Variants in LMNB2 observed in about 807,000 individuals in gnomAD.
LMNB2 encodes the protein lamin-B2.
In LMNB2, 17 loss-of-function variants were observed where a neutral mutation model predicts 69.3. That is an observed-to-expected ratio of 0.25 (90% CI 0.17 to 0.37). LMNB2 has a LOEUF of 0.37. LMNB2 is among the 10% of genes least tolerant of loss of function. LMNB2 has a pLI of 1.00. For missense variants in LMNB2, 789 were observed against 883.6 expected, an observed-to-expected ratio of 0.89 and a Z score of 1.36; for synonymous variants, 397 against 389.3, an observed-to-expected ratio of 1.02 and a Z score of -0.23.
chr19:2,438,680 C>T (rs11882178), intron 2 of LMNB2, 149 bp from the exon 3 acceptor site: 7 of 929,748 alleles, frequency 7.5e-6, no homozygotes, highest in Admixed American at 5.4e-5. Context: ...CGCGGCCCCA[C>T]GCGCCCAGGC....
chr19:2,438,286 G>A lies in LMNB2; in HGVS notation c.561C>T (p.Ala187=), dbSNP rs369856120. ...TTTTGGCCACTGCATGACCGTCCTC[G>A]GCCTGGGAGACACAGGACAGCGAGC... ...VAELRAQLAK[A]EDGHAVAKKQ... Residue 187 remains alanine, a splice_region_variant and synonymous_variant, in exon 4 of 12, where the codon GCC becomes GCT. Coordinates refer to ENST00000325327, the MANE Select transcript of LMNB2 (RefSeq NM_032737.4). The A allele has an allele frequency of 4.1e-5, 66 of 1,613,804 alleles. No individual in the cohort carries two copies. Among genetic ancestry groups the A allele is most frequent in the Middle Eastern group, 1.6e-4 (1 of 6,084 alleles).
At chr19:2,439,661 G>A (rs1035758409) in intron 2 of LMNB2, among the ~76,000 whole-genome samples, 12 of 152,022 alleles carry the variant, frequency 7.9e-5, no homozygotes, top group African/African-American at 2.7e-4. Flanking sequence ...CAGGCGGCTC[G>A]AGCCCGTGGC....
Position 2,431,653 on chromosome 19 carries a change from C to T in LMNB2, c.1716G>A (p.Val572=), listed in dbSNP as rs139202712. Residue 572 remains valine (V), a synonymous_variant, in exon 11 of 12, where the codon GTG becomes GTA. Transcript: ENST00000325327. The part of the protein sequence containing the change: ...TVLVNADGEE[V]AMRTVKKSSV... Reference sequence around the variant, plus strand: ...AGGACTTCTTCACAGTCCTCATGGCCACTTCCTGTGCGGGACAGGACACGG... The same window carrying T: ...AGGACTTCTTCACAGTCCTCATGGCTACTTCCTGTGCGGGACAGGACACGG... The T allele has an allele frequency of 2.5e-6, 4 of 1,614,152 alleles. No homozygotes were observed. Among genetic ancestry groups the T allele is most frequent in the Admixed American group, 1.7e-5 (1 of 60,028 alleles).
Position 2,435,099 on chromosome 19 carries a change from C to T in LMNB2, c.757G>A (p.Asp253Asn), listed in dbSNP as rs776574641. The T allele has an allele frequency of 2.2e-5, 35 of 1,609,642 alleles. No individual in the cohort carries two copies. The African/African-American group carries it at 3.1e-4, about 14-fold the overall frequency. Residue 253 changes from aspartate (D) to asparagine (N), a missense_variant, in exon 5 of 12, where the codon GAC becomes AAC. By Grantham distance (23) the Asp-to-Asn change is conservative. This residue lies in a region of LMNB2 where 609 missense variants were observed against 630.9 expected (regional missense o/e 0.97). Coordinates refer to ENST00000325327, the MANE Select transcript of LMNB2 (RefSeq NM_032737.4). ...EVDSSRQQEY[D>N]FKMAQALEEL... is the part of the protein sequence containing the mutation. ...TCCAGCGCCTGTGCCATCTTGAAGTCGTACTCCTGCTGCCGGCTGCTGTCC... is the reference window on the plus strand; with the variant it reads ...TCCAGCGCCTGTGCCATCTTGAAGTTGTACTCCTGCTGCCGGCTGCTGTCC...
rs1009583605 is a variant in LMNB2, at chr19:2,453,243, C to T, written c.264+3427G>A. 6.6e-6 allele frequency among the ~76,000 whole-genome samples: 1 copy of T among 152,162 alleles called. No individual in the cohort carries two copies. Among genetic ancestry groups the T allele is most frequent in the Non-Finnish European group, 1.5e-5 (1 of 67,992 alleles). ...GCCAAGAGTCCCCTGGGGGCAGAAG[C>T]TGGCCAGGTGAGAGAGGCCCTGCTG... On this transcript the variant is annotated intron_variant, in intron 1 of 11. Transcript: ENST00000325327. The surrounding 1 kb of genome is among the most constrained non-coding windows in gnomAD (Gnocchi z 4.4).
chr19:2,431,806 C>T lies in LMNB2; in HGVS notation c.1687G>A (p.Val563Ile), dbSNP rs201618968. The T allele has an allele frequency of 2.9e-5, 47 of 1,613,868 alleles. No individual in the cohort carries two copies. The highest frequency in any genetic ancestry group is 1.5e-4 in the Admixed American group (9 of 60,018). The change falls in exon 10 of 12, where the codon GTC becomes ATC. Residue 563 changes from valine (V) to isoleucine (I), a missense_variant. Transcript: ENST00000325327. ...ACCTCGCCATCCGCGTTAACCAGGA[C>T]GGTGCGGAAGCTCTCGCCCGTGCCC... is the stretch of plus-strand genomic sequence containing the variant. ...SWGTGESFRT[V>I]LVNADGEEVA...
intron 1 of LMNB2, among the ~76,000 whole-genome samples, chr19:2,448,709 A>G (rs776404820): frequency 1.4e-4 from 22 of 152,284 alleles, no homozygotes; most frequent in Middle Eastern, 3.4e-3. Context: ...TTAGCCGGGC[A>G]TGGTGGCGTG....
chr19:2,432,012 C>T, intron 9 of LMNB2, 110 bp from the exon 10 acceptor site: 1 of 1,379,302 alleles, frequency 7.3e-7, no homozygotes, highest in South Asian at 1.3e-5. Flanking sequence ...GGCGTTCAGT[C>T]CTTCCAGCCC....
rs145110937 is a variant in LMNB2 at position 2,438,419 on chromosome 19, C to T, written c.514G>A (p.Gly172Ser). The T allele has an allele frequency of 7.6e-5, 122 of 1,612,744 alleles. 1 individual carries two copies. In the Middle Eastern group the frequency reaches 1.0e-3, roughly 13 times the overall value. The change falls in exon 3 of 12, where the codon GGC (glycine) becomes AGC (serine). Residue 172 changes from glycine to serine, a missense_variant. By Grantham distance (56) the Gly-to-Ser change is moderately conservative. Transcript: ENST00000325327. Reference protein sequence around the residue: ...ELAAALSDKRGLESDVAELRA... With the variant: ...ELAAALSDKRSLESDVAELRA... ...AGCTCAGCCACGTCACTCTCCAGGC[C>T]GCGCTTGTCGCTGAGGGCAGCTGCC...
chr19:2,452,238 C>T (rs548174315), intron 1 of LMNB2, among the ~76,000 whole-genome samples: 11 of 152,232 alleles, frequency 7.2e-5, no homozygotes, highest in African/African-American at 2.2e-4. Flanking sequence ...TGGTTTTGTA[C>T]GAGTGTGCAA....
intron 1 of LMNB2, among the ~76,000 whole-genome samples, chr19:2,454,020 C>T (rs1249128066): frequency 6.6e-6 from 1 of 152,072 alleles, no homozygotes; most frequent in Admixed American, 6.6e-5. Flanking sequence ...TGGCCAGGCA[C>T]GGCGGCTCAC....
In LMNB2 at chr19:2,447,435, C is replaced by T. The variant is rs1971969101; in HGVS notation, c.265-2895G>A. ...GCTGGAGAAGGGGACGGGGAGTGAC[C>T]GCTGAGGGGGACAGGCTTCTTTTAG... On this transcript the variant is annotated intron_variant, in intron 1 of 11. Coordinates refer to ENST00000325327, the MANE Select transcript of LMNB2 (RefSeq NM_032737.4). The surrounding 1 kb of genome is among the most constrained non-coding windows in gnomAD (Gnocchi z 4.4). Among the ~76,000 whole-genome samples the T allele has an allele frequency of 6.6e-6, 1 of 152,066 alleles. No individual in the cohort carries two copies. Among genetic ancestry groups the T allele is most frequent in the Non-Finnish European group, 1.5e-5 (1 of 68,012 alleles).
chr19:2,437,101 G>A (rs375589651), intron 4 of LMNB2: 111 of 153,264 alleles, frequency 7.2e-4, no homozygotes, highest in African/African-American at 2.4e-3. Context: ...GCTCCTGAGC[G>A]GCCTGGACAT....
At chr19:2,450,936 T>C (rs1972014953) in intron 1 of LMNB2, among the ~76,000 whole-genome samples, 1 of 151,738 alleles carries the variant, frequency 6.6e-6, no homozygotes, top group African/African-American at 2.4e-5. Context: ...AGACGGTTTT[T>C]ACATTTTTAA....
chr19:2,451,333 TAA>T (rs1290608550), intron 1 of LMNB2, among the ~76,000 whole-genome samples: 2 of 152,190 alleles, frequency 1.3e-5, no homozygotes, highest in Non-Finnish European at 2.9e-5. Context: ...TGTGTATAAA[TAA>T]AGTTTTATTG....
At position 2,434,447 on chromosome 19, in the gene LMNB2, C is replaced by G. The variant is rs765558146; in HGVS notation, c.1050G>C (p.Arg350=). 1.9e-6 allele frequency: 3 copies of G among 1,613,376 alleles called. No homozygotes were observed. The highest frequency in any genetic ancestry group is 2.5e-6 in the Non-Finnish European group (3 of 1,179,998). ...EAMAGERDKF[R]KMLDAKEQEM... is the part of the protein sequence containing the mutation. ...CCTGCTCCTTGGCGTCCAGCATCTTCCGGAACTTGTCCCGCTCCCCGGCCA... is the reference window on the plus strand; with the variant it reads ...CCTGCTCCTTGGCGTCCAGCATCTTGCGGAACTTGTCCCGCTCCCCGGCCA... Residue 350 remains arginine, a synonymous_variant, in exon 7 of 12, where the codon CGG becomes CGC. Transcript: ENST00000325327.
chr19:2,453,889 G>T lies in LMNB2; in HGVS notation c.264+2781C>A, dbSNP rs915077862. Among the ~76,000 whole-genome samples, 1 of 152,194 alleles carries T rather than the reference G, an allele frequency of 6.6e-6. No individual in the cohort carries two copies. Among genetic ancestry groups the T allele is most frequent in the African/African-American group, 2.4e-5 (1 of 41,438 alleles). ...CAAGAAACCAGCTCTAACCCTGCAC[G>T]CCACGGGTCCAGCAGGCGGCCTCTA... On this transcript the variant is annotated intron_variant, in intron 1 of 11. Coordinates refer to ENST00000325327, the MANE Select transcript of LMNB2 (RefSeq NM_032737.4). This position sits in a 1 kb window ranked among gnomAD's most constrained non-coding sequence, Gnocchi z 4.4.
rs1348390230 is a variant in LMNB2, at chr19:2,438,228, C to T, written c.619G>A (p.Asp207Asn). Residue 207 changes from aspartate to asparagine, a missense_variant, in exon 4 of 12, where the codon GAC becomes AAC. Around this residue, in one of 3 missense-constraint regions of LMNB2, gnomAD observed 609 missense variants for 630.9 expected, o/e 0.97. Transcript: ENST00000325327. ...QLEKETLMRVDLENRCQSLQE... is the reference protein window; with the variant it reads ...QLEKETLMRVNLENRCQSLQE... ...AGGCTCTGGCAGCGGTTCTCCAGGT[C>T]CACACGCATCAGCGTCTCCTTCTCC... is the stretch of plus-strand genomic sequence containing the variant. 6.2e-7 allele frequency: 1 copy of T among 1,614,106 alleles called. No individual in the cohort carries two copies. The highest frequency in any genetic ancestry group is 8.5e-7 in the Non-Finnish European group (1 of 1,180,052).
chr19:2,449,069 C>CT (rs891372113), intron 1 of LMNB2, among the ~76,000 whole-genome samples: 4 of 151,532 alleles, frequency 2.6e-5, no homozygotes, highest in Non-Finnish European at 5.9e-5. Flanking sequence ...TAGTTTCTAA[C>CT]TTTTTTTTTA....
Sources: allele counts gnomAD v4.1 joint callset (sites outside exome capture counted in the v4.1 genomes callset), GRCh38; gene constraint gnomAD v4.1.1; regional missense constraint gnomAD v4.1.1; non-coding constraint Gnocchi (gnomAD v3.1); transcripts MANE v1.5; gene names NCBI Gene and HGNC (gene_info 2026-07-23, HGNC 2026-07-21).